Variants in SMYD3 observed in about 807,000 individuals in gnomAD.
SMYD3 encodes histone-lysine N-methyltransferase SMYD3.
SMYD3 carries 36 observed loss-of-function variants against 57.7 expected under a neutral mutation model. The observed-to-expected ratio is 0.62, with a 90% confidence interval of 0.48 to 0.82. The LOEUF is 0.82. SMYD3 is among the 40% of genes least tolerant of loss of function. SMYD3 has a pLI of 0.00. For synonymous variants in SMYD3, 211 were observed against 195.0 expected (o/e 1.08, Z -0.68); for missense variants, 515 against 538.8 (o/e 0.96, Z 0.44).
chr1:246,480,284 G>A (rs1485185960), intron 1 of SMYD3, among the ~76,000 whole-genome samples: 1 of 152,132 alleles, frequency 6.6e-6, no homozygotes, highest in Admixed American at 6.6e-5. Context: ...ACAGGAGTGA[G>A]CCAACACACC....
chr1:245,758,819 A>C (rs934000796), intron 11 of SMYD3, among the ~76,000 whole-genome samples: 24 of 152,070 alleles, frequency 1.6e-4, no homozygotes, highest in Non-Finnish European at 2.4e-4. Context: ...GCATCTACTG[A>C]TTGCTTTTAT....
At chr1:246,286,724 G>A (rs1275892615) in intron 5 of SMYD3, among the ~76,000 whole-genome samples, 1 of 152,074 alleles carries the variant, frequency 6.6e-6, no homozygotes. Flanking sequence ...TAAAGAGTAC[G>A]TAGGTCTGCT....
intron 8 of SMYD3, among the ~76,000 whole-genome samples, chr1:245,907,545 T>C (rs1279580790): frequency 6.6e-6 from 1 of 152,114 alleles, no homozygotes; most frequent in Non-Finnish European, 1.5e-5. Flanking sequence ...AACTCACTGA[T>C]AGAACAGATA....
intron 5 of SMYD3, among the ~76,000 whole-genome samples, chr1:246,101,012 T>C (rs1436983961): frequency 6.7e-6 from 1 of 148,890 alleles, no homozygotes; most frequent in East Asian, 1.9e-4. Context: ...ACTAGATAAA[T>C]CGTCATAGCT....
chr1:246,002,897 G>A (rs2059103306), intron 5 of SMYD3, among the ~76,000 whole-genome samples: 1 of 151,498 alleles, frequency 6.6e-6, no homozygotes, highest in Non-Finnish European at 1.5e-5. Flanking sequence ...TCACAGGCCT[G>A]AGCCTCCGCG....
intron 5 of SMYD3, among the ~76,000 whole-genome samples, chr1:246,016,942 T>G (rs1009161702): frequency 7.2e-6 from 1 of 139,850 alleles, no homozygotes; most frequent in Non-Finnish European, 1.5e-5. Flanking sequence ...TTTTCTATGA[T>G]TTTTTTTTTG....
chr1:246,418,325 G>T (rs909860134), intron 1 of SMYD3, among the ~76,000 whole-genome samples: 7 of 152,244 alleles, frequency 4.6e-5, no homozygotes, highest in African/African-American at 1.7e-4. Flanking sequence ...CTCTGCCACA[G>T]AGGGAGTGGC....
chr1:246,103,938 G>A (rs550465488), intron 5 of SMYD3, among the ~76,000 whole-genome samples: 1 of 152,176 alleles, frequency 6.6e-6, no homozygotes, highest in Non-Finnish European at 1.5e-5. Flanking sequence ...ACTCATCCTT[G>A]AAGAAAACCT....
chr1:246,475,016 C>G (rs2068009769), intron 1 of SMYD3, among the ~76,000 whole-genome samples: 2 of 152,074 alleles, frequency 1.3e-5, no homozygotes, highest in Non-Finnish European at 2.9e-5. Flanking sequence ...ATTTGTGGCG[C>G]ATTAAAAAGT....
intron 5 of SMYD3, among the ~76,000 whole-genome samples, chr1:246,035,782 A>T (rs1262161962): frequency 6.6e-6 from 1 of 152,226 alleles, no homozygotes; most frequent in Non-Finnish European, 1.5e-5. Flanking sequence ...CAGAAAAAAA[A>T]TAATAAAAGA....
At chr1:246,171,944 G>C (rs531702827) in intron 5 of SMYD3, among the ~76,000 whole-genome samples, 1 of 152,188 alleles carries the variant, frequency 6.6e-6, no homozygotes, top group Admixed American at 6.5e-5. Flanking sequence ...CCAGGAGTTC[G>C]AGGCTACAGT....
rs111653396 is a variant in SMYD3, at chr1:245,807,351, GA to G, written c.1077-43203del. Among the ~76,000 whole-genome samples the G allele has an allele frequency of 1.7e-3, 248 of 146,036 alleles. 2 individuals are homozygous for G. Among genetic ancestry groups the G allele is most frequent in the African/African-American group, 3.4e-3 (136 of 39,812 alleles). ...ATGCAAACGCGTTTTTACCAACAAA[GA>G]AAAAAAAAAGGTTGGAGAGGAAGAA... On this transcript the variant is annotated intron_variant, in intron 10 of 11. Transcript: ENST00000490107.
intron 1 of SMYD3, among the ~76,000 whole-genome samples, chr1:246,421,352 T>A (rs6704481): frequency 3.7e-4 from 56 of 151,428 alleles, no homozygotes; most frequent in Non-Finnish European, 6.0e-4. Context: ...CCAGTAAAAG[T>A]TACCAAAAGA....
chr1:246,431,965 C>A (rs182432772), intron 1 of SMYD3, among the ~76,000 whole-genome samples: 1 of 152,022 alleles, frequency 6.6e-6, no homozygotes, highest in East Asian at 1.9e-4. Flanking sequence ...TCCTAAAATC[C>A]GACATATCTG....
At chr1:245,800,990 A>G (rs1185666874) in intron 10 of SMYD3, among the ~76,000 whole-genome samples, 2 of 152,218 alleles carry the variant, frequency 1.3e-5, no homozygotes, top group Non-Finnish European at 2.9e-5. Flanking sequence ...TTCTCTGCAA[A>G]TTCTTTGTTC....
At chr1:246,482,242 G>T (rs193059183) in intron 1 of SMYD3, among the ~76,000 whole-genome samples, 139 of 152,174 alleles carry the variant, frequency 9.1e-4, no homozygotes, top group Non-Finnish European at 1.6e-3. Context: ...TCAGCCCAGG[G>T]CATATAATCT....
intron 5 of SMYD3, among the ~76,000 whole-genome samples, chr1:246,253,782 C>A (rs1439785022): frequency 2.6e-5 from 4 of 152,160 alleles, no homozygotes; most frequent in Admixed American, 2.6e-4. Flanking sequence ...CATAGAAACG[C>A]TATTGATTTC....
chr1:245,859,546 G>A (rs765547498), intron 9 of SMYD3, among the ~76,000 whole-genome samples: 11 of 152,182 alleles, frequency 7.2e-5, no homozygotes, highest in Non-Finnish European at 1.3e-4. Context: ...TTTATGGAGC[G>A]TAATTTTAAT....
chr1:246,295,484 A>G (rs2064775709), intron 5 of SMYD3, among the ~76,000 whole-genome samples: 2 of 152,334 alleles, frequency 1.3e-5, no homozygotes, highest in South Asian at 2.1e-4. Context: ...CTCCAATTTC[A>G]TAAGTTTTGA....
Sources: allele counts gnomAD v4.1 joint callset (sites outside exome capture counted in the v4.1 genomes callset), GRCh38; gene constraint gnomAD v4.1.1; transcripts MANE v1.5; gene names NCBI Gene and HGNC (gene_info 2026-07-23, HGNC 2026-07-21).